Variants in INPP5E observed in about 807,000 individuals in gnomAD.
The protein encoded by INPP5E is inositol polyphosphate-5-phosphatase E, also known as phosphatidylinositol polyphosphate 5-phosphatase type IV.
INPP5E carries 34 observed loss-of-function variants against 50.5 expected under a neutral mutation model. That is an observed-to-expected ratio of 0.67 (90% CI 0.51 to 0.90). The LOEUF (loss-of-function observed/expected upper bound fraction) is 0.90, where lower values mean the gene tolerates loss of function less well. Ranked by LOEUF, INPP5E falls within the 40% of genes least tolerant of loss-of-function variation. The pLI, the probability that INPP5E is intolerant of heterozygous loss-of-function variation, is 0.00. For synonymous variants in INPP5E, 447 were observed against 406.0 expected, an observed-to-expected ratio of 1.10 and a Z score of -1.21; for missense variants, 942 against 905.5, an observed-to-expected ratio of 1.04 and a Z score of -0.52.
chr9:136,430,213 T>C (rs1310652175), intron 9 of INPP5E, 64 bp downstream of exon 9: 8 of 1,544,558 alleles, frequency 5.2e-6, no homozygotes, highest in Admixed American at 3.9e-5. Flanking sequence ...GGGACCCTCT[T>C]AGCTCATGGG....
Position 136,431,007 on chromosome 9 carries a change from A to T in INPP5E, c.1660T>A (p.Tyr554Asn). 1.2e-6 allele frequency: 2 copies of T among 1,604,374 alleles called. No individual in the cohort carries two copies. Among genetic ancestry groups the T allele is most frequent in the East Asian group, 2.2e-5 (1 of 44,770 alleles). The change falls in exon 8 of 10, where the codon TAC becomes AAC. Residue 554 changes from tyrosine (Y) to asparagine (N), a missense_variant. Transcript: ENST00000371712. The part of the protein sequence containing the change: ...DSTSKQRTPS[Y>N]TDRVLYRSRH... ...CAGCGGTGGGCAGGCCTCACCGTGT[A>T]TGAGGGCGTCCTCTGCTTGGAGGTG... is the stretch of plus-strand genomic sequence containing the variant.
At position 136,434,694 on chromosome 9, in the gene INPP5E, G is replaced by A. The variant is rs760640284; in HGVS notation, c.936+46C>T. 4.4e-6 allele frequency: 7 copies of A among 1,573,560 alleles called. No homozygotes were observed. The South Asian group carries it at 5.8e-5, about 13-fold the overall frequency. ...CGTCCCCCTCACCCGCCTTTGTCCA[G>A]CACCACCCCACCCTTCCCCGCCCAG... On this transcript the variant is annotated intron_variant, in intron 2 of 9. Transcript: ENST00000371712.
chr9:136,439,316 C>T lies in INPP5E; in HGVS notation c.104G>A (p.Arg35His). Reference protein sequence around the residue: ...GQLPGAPPAQRAGSPPDAPGS... With the variant: ...GQLPGAPPAQHAGSPPDAPGS... ...CGGAGCATCGGGTGGGGACCCCGCG[C>T]GCTGGGCCGGCGGAGCGCCGGGAAG... The change falls in exon 1 of 10, where the codon CGC becomes CAC. Residue 35 changes from arginine (R) to histidine (H), a missense_variant. Physicochemically the swap from Arg to His is conservative, Grantham distance 29. Coordinates refer to ENST00000371712, the MANE Select transcript of INPP5E (RefSeq NM_019892.6). 1 of 1,405,696 alleles carries T rather than the reference C, an allele frequency of 7.1e-7. No homozygotes were observed. The highest frequency in any genetic ancestry group is 9.2e-7 in the Non-Finnish European group (1 of 1,089,196). 87.1% of individuals were successfully genotyped at this position (1,405,696 alleles called of 1,614,324 possible).
rs994157744 is a variant in INPP5E, at chr9:136,438,774, G to C, written c.646C>G (p.Leu216Val). 2 of 1,612,026 alleles carry C rather than the reference G, an allele frequency of 1.2e-6. No individual in the cohort carries two copies. The highest frequency in any genetic ancestry group is 1.3e-5 in the African/African-American group (1 of 74,926). ...LRTANKVDSD[L>V]ADYKLRAQPL... ...TGCGCGCGGAGCTTGTAGTCTGCAA[G>C]ATCCGAGTCGACCTTGTTTGCTGTC... The change falls in exon 1 of 10, where the codon CTT becomes GTT. Residue 216 changes from leucine (L) to valine (V), a missense_variant. By Grantham distance (32) the Leu-to-Val change is conservative (BLOSUM62 1). Transcript: ENST00000371712.
At position 136,432,676 on chromosome 9, in the gene INPP5E, C is replaced by T. The variant is rs995339045; in HGVS notation, c.1280-90G>A. On this transcript the variant is annotated intron_variant, in intron 5 of 9. Transcript: ENST00000371712. ...GCACCTCTGGACTGTGCCCTGACTG[C>T]GCACCCCCGGCAGACGCAACCCCAC... 21 of 993,838 alleles carry T rather than the reference C, an allele frequency of 2.1e-5. No individual in the cohort carries two copies. In the East Asian group the frequency reaches 2.6e-4, roughly 12 times the overall value. 61.6% of individuals were successfully genotyped at this position (993,838 alleles called of 1,614,324 possible). A position where few individuals can be genotyped will look rare whatever the true frequency, so the allele number is the denominator to read the frequency against.
At chr9:136,430,507 C>A (rs1835675993) in intron 8 of INPP5E, 94 bp from the exon 9 acceptor site, 5 of 1,453,964 alleles carry the variant, frequency 3.4e-6, no homozygotes, top group Non-Finnish European at 4.7e-6. Flanking sequence ...AAGCGCCCCC[C>A]ACAAGGAAGC....
intron 1 of INPP5E, among the ~76,000 whole-genome samples, chr9:136,435,233 C>A (rs1835804593): frequency 6.6e-6 from 1 of 152,214 alleles, no homozygotes. Context: ...CTCCTCCTTT[C>A]TCCTTTGGCC....
At chr9:136,432,435 C>G in intron 6 of INPP5E, 44 bp downstream of exon 6, 1 of 1,356,118 alleles carries the variant, frequency 7.4e-7, no homozygotes, top group South Asian at 1.2e-5. Flanking sequence ...CGCCCGTGTG[C>G]GAACCACGGC....
intron 4 of INPP5E, 28 bp from the exon 5 acceptor site, chr9:136,433,103 C>A: frequency 6.5e-7 from 1 of 1,536,342 alleles, no homozygotes. Context: ...CTCAGCTCAC[C>A]TGTGGGACGC....
chr9:136,432,803 C>T (rs895745133), intron 5 of INPP5E, among the ~76,000 whole-genome samples, 153 bp downstream of exon 5: 1 of 152,146 alleles, frequency 6.6e-6, no homozygotes, highest in South Asian at 2.1e-4. Context: ...GCCGGGGGTC[C>T]TTGGCGTGCA....
intron 2 of INPP5E, 141 bp downstream of exon 2, chr9:136,434,599 C>T: frequency 8.6e-7 from 1 of 1,162,958 alleles, no homozygotes; most frequent in Non-Finnish European, 1.2e-6. Flanking sequence ...CCCTCCTGTA[C>T]TGCGGTTAGC....
Position 136,434,056 on chromosome 9 carries a change from G to A in INPP5E, c.1015C>T (p.Gln339Ter), listed in dbSNP as rs142906644. 1.9e-6 allele frequency: 3 copies of A among 1,609,766 alleles called. No individual in the cohort carries two copies. The highest frequency in any genetic ancestry group is 2.5e-6 in the Non-Finnish European group (3 of 1,179,084). The stretch of plus-strand genomic sequence containing the variant: ...CCCTACCTGTCAGAACAGCCCTCCT[G>A]GACCCCGATGACATACAGGTCCTGG... ...YAQDLYVIGV[Q>*]EGCSDRREWE... is the part of the protein sequence containing the mutation. The change falls in exon 3 of 10, where the codon CAG becomes TAG. Residue 339 changes from glutamine (Q) to a stop codon, truncating the protein, a stop_gained. Coordinates refer to ENST00000371712, the MANE Select transcript of INPP5E (RefSeq NM_019892.6). LOFTEE classifies it high-confidence loss of function.
rs34071122 is a variant in INPP5E at position 136,438,784 on chromosome 9, G to T, written c.636C>A (p.Val212=). The T allele has an allele frequency of 2.1e-3, 3,464 of 1,612,226 alleles. 83 individuals carry two copies. In the African/African-American group the frequency reaches 0.041, roughly 19 times the overall value. Residue 212 remains valine (V), a synonymous_variant, in exon 1 of 10, where the codon GTC becomes GTA. Transcript: ENST00000371712. ...GCTTGTAGTCTGCAAGATCCGAGTCGACCTTGTTTGCTGTCCTCAGGGAGT... is the reference window on the plus strand; with the variant it reads ...GCTTGTAGTCTGCAAGATCCGAGTCTACCTTGTTTGCTGTCCTCAGGGAGT... ...ASDSLRTANK[V]DSDLADYKLR...
chr9:136,439,562 G>A lies in INPP5E; in HGVS notation c.-143C>T, dbSNP rs964491721. The A allele has an allele frequency of 3.1e-5, 16 of 522,372 alleles. No homozygotes were observed. The highest frequency in any genetic ancestry group is 4.5e-5 in the Admixed American group (1 of 22,130). The allele number at this position is 522,372 out of a possible 1,614,324, so 32.4% of individuals were successfully genotyped here. A position where few individuals can be genotyped will look rare whatever the true frequency, so the allele number is the denominator to read the frequency against. On this transcript the variant is annotated 5_prime_UTR_variant, in exon 1 of 10. Transcript: ENST00000371712. Reference sequence around the variant, plus strand: ...CTTGGGCCGGGGATGGTCGCGGAGGGGCGGGGGCGGCTGCCGCATGGCCCG... The same window carrying A: ...CTTGGGCCGGGGATGGTCGCGGAGGAGCGGGGGCGGCTGCCGCATGGCCCG...
At position 136,429,294 on chromosome 9, in the gene INPP5E, G is replaced by A. The variant is rs1477975088; in HGVS notation, c.*381C>T. 5.5e-6 allele frequency: 2 copies of A among 364,892 alleles called. No individual in the cohort carries two copies. The highest frequency in any genetic ancestry group is 6.7e-5 in the East Asian group (1 of 14,886). 22.6% of individuals were successfully genotyped at this position (364,892 alleles called of 1,614,324 possible). A position where few individuals can be genotyped will look rare whatever the true frequency, so the allele number is the denominator to read the frequency against. Reference sequence around the variant, plus strand: ...GCCTGCTTCGGGTGTGGAGGGAGAGGCTGGTGCAGAGCACGGGGGTGTTGG... The same window carrying A: ...GCCTGCTTCGGGTGTGGAGGGAGAGACTGGTGCAGAGCACGGGGGTGTTGG... On this transcript the variant is annotated 3_prime_UTR_variant, in exon 10 of 10. Coordinates refer to ENST00000371712, the MANE Select transcript of INPP5E (RefSeq NM_019892.6).
chr9:136,433,903 A>C, intron 3 of INPP5E, 134 bp downstream of exon 3: 1 of 737,890 alleles, frequency 1.4e-6, no homozygotes, highest in East Asian at 2.7e-5. Flanking sequence ...ATCAGCGCCC[A>C]GCAGCTTCAC....
intron 5 of INPP5E, among the ~76,000 whole-genome samples, 157 bp downstream of exon 5, chr9:136,432,799 G>A (rs1003472315): frequency 6.6e-6 from 1 of 152,216 alleles, no homozygotes; most frequent in Non-Finnish European, 1.5e-5. Context: ...GTCTGCCGGG[G>A]GTCCTTGGCG....
At chr9:136,435,316 A>G (rs2131612002) in intron 1 of INPP5E, among the ~76,000 whole-genome samples, 1 of 151,994 alleles carries the variant, frequency 6.6e-6, no homozygotes, top group Non-Finnish European at 1.5e-5. Flanking sequence ...TCTCCTCGAC[A>G]CCCCGTGGCT....
In INPP5E at chr9:136,439,542, G is replaced by T; in HGVS notation, c.-123C>A. The T allele has an allele frequency of 1.5e-6, 1 of 682,312 alleles. No individual in the cohort carries two copies. The allele number at this position is 682,312 out of a possible 1,614,324, so 42.3% of individuals were successfully genotyped here. ...AAACGCCGCTGCGGCTCCCGCTTGG[G>T]CCGGGGATGGTCGCGGAGGGGCGGG... On this transcript the variant is annotated 5_prime_UTR_variant, in exon 1 of 10. Transcript: ENST00000371712.
Sources: allele counts gnomAD v4.1 joint callset (sites outside exome capture counted in the v4.1 genomes callset), GRCh38; gene constraint gnomAD v4.1.1; transcripts MANE v1.5; gene names NCBI Gene and HGNC (gene_info 2026-07-23, HGNC 2026-07-21).